The following RYR3 variants were observed in gnomAD, a reference collection of about 807,000 sequenced individuals.
RYR3 encodes the protein ryanodine receptor 3, also known as brain ryanodine receptor-calcium release channel.
RYR3 carries 207 observed loss-of-function variants against 584.3 expected under a neutral mutation model. That is an observed-to-expected ratio of 0.35 (90% CI 0.32 to 0.40). The LOEUF is 0.40. RYR3 is among the 10% of genes least tolerant of loss of function. RYR3 has a pLI of 1.00. For synonymous variants in RYR3, 2,416 were observed against 2,248.5 expected (o/e 1.07, Z -2.11); for missense variants, 5,616 against 6,089.2 (o/e 0.92, Z 2.59).
intron 43 of RYR3, among the ~76,000 whole-genome samples, chr15:33,716,254 AT>A (rs1289941093): frequency 6.6e-6 from 1 of 152,128 alleles, no homozygotes; most frequent in Admixed American, 6.5e-5. Context: ...AGCCTCAGGT[AT>A]TTTTTTATGG....
At chr15:33,444,448 A>G (rs1460524994) in intron 1 of RYR3, among the ~76,000 whole-genome samples, 1 of 152,218 alleles carries the variant, frequency 6.6e-6, no homozygotes, top group Non-Finnish European at 1.5e-5. Context: ...ATGTTTGTTC[A>G]GTGGCTATCG....
At chr15:33,483,685 G>C (rs928583357) in intron 2 of RYR3, among the ~76,000 whole-genome samples, 5 of 152,178 alleles carry the variant, frequency 3.3e-5, no homozygotes, top group African/African-American at 1.2e-4. Context: ...CTTATTCTAA[G>C]CATTTTAGCT....
chr15:33,326,135 CTTTGTTT>C (rs1969672094), intron 1 of RYR3, among the ~76,000 whole-genome samples: 1 of 152,092 alleles, frequency 6.6e-6, no homozygotes, highest in African/African-American at 2.4e-5. Flanking sequence ...TGTTGAGGTT[CTTTGTTT>C]TTTGTTTTCC....
chr15:33,617,276 G>T (rs925666778), intron 19 of RYR3, among the ~76,000 whole-genome samples: 1 of 152,042 alleles, frequency 6.6e-6, no homozygotes, highest in Non-Finnish European at 1.5e-5. Context: ...GCTGGGCGTG[G>T]TGGCAGGCGC....
intron 19 of RYR3, among the ~76,000 whole-genome samples, chr15:33,618,659 TC>T (rs1391053819): frequency 6.6e-6 from 1 of 152,254 alleles, no homozygotes; most frequent in African/African-American, 2.4e-5. Context: ...ATCCTTTTCT[TC>T]TGTGAAACAT....
At chr15:33,680,335 T>C (rs368564745) in intron 38 of RYR3, among the ~76,000 whole-genome samples, 1 of 152,220 alleles carries the variant, frequency 6.6e-6, no homozygotes, top group East Asian at 1.9e-4. Context: ...TCAGGTAGAA[T>C]AGCCATTAAC....
At chr15:33,338,282 C>T (rs777797240) in intron 1 of RYR3, among the ~76,000 whole-genome samples, 2 of 151,688 alleles carry the variant, frequency 1.3e-5, no homozygotes, top group African/African-American at 2.4e-5. Context: ...ACCTGGGAGA[C>T]AGGTCTATGG....
At chr15:33,596,832 G>A (rs34602930) in intron 16 of RYR3, among the ~76,000 whole-genome samples, 21,727 of 152,008 alleles carry the variant, frequency 0.14, 1,588 homozygotes, top group Middle Eastern at 0.19. Flanking sequence ...CTGTAATTTT[G>A]TATCATTAAA....
At position 33,438,673 on chromosome 15, in the gene RYR3, C is replaced by T. The variant is rs559290803; in HGVS notation, c.52-34746C>T. Among the ~76,000 whole-genome samples the T allele has an allele frequency of 4.1e-3, 624 of 152,256 alleles. 5 individuals carry two copies. The highest frequency in any genetic ancestry group is 0.014 in the African/African-American group (566 of 41,536). On this transcript the variant is annotated intron_variant, in intron 1 of 103. Transcript: ENST00000634891. ...AATTTATAGATTAATTTGAGGATAA[C>T]GGACATATTCACAATATCTTTTCCA...
intron 1 of RYR3, among the ~76,000 whole-genome samples, chr15:33,443,313 C>G (rs1459422289): frequency 6.6e-6 from 1 of 151,090 alleles, no homozygotes; most frequent in African/African-American, 2.4e-5. Context: ...TAGTTGACAG[C>G]TAAAAAATAA....
rs755618142 is a variant in RYR3, at chr15:33,840,932, C to T, written c.13037+49C>T. On this transcript the variant is annotated intron_variant, in intron 90 of 103. Transcript: ENST00000634891. Reference sequence around the variant, plus strand: ...ACTCTCATTGCTATGGTAGATAATTCTTAGGCCAGGCAGAGTGGCTCGCAC... The same window carrying T: ...ACTCTCATTGCTATGGTAGATAATTTTTAGGCCAGGCAGAGTGGCTCGCAC... 1.9e-6 allele frequency: 3 copies of T among 1,556,814 alleles called. No homozygotes were observed. In the African/African-American group the frequency reaches 4.1e-5, roughly 21 times the overall value.
In RYR3 at chr15:33,823,015, A is replaced by T; in HGVS notation, c.11015A>T (p.Lys3672Met). ...TTGCAGAAAATGCTAGATTACCTAAAGGAGAAAAAGGATGCTGGATTCTTT... is the reference window on the plus strand; with the variant it reads ...TTGCAGAAAATGCTAGATTACCTAATGGAGAAAAAGGATGCTGGATTCTTT... Reference protein sequence around the residue: ...GVQQKMLDYLKEKKDAGFFQS... With the variant: ...GVQQKMLDYLMEKKDAGFFQS... Residue 3672 changes from lysine (K) to methionine (M), a missense_variant, in exon 81 of 104, where the codon AAG (lysine) becomes ATG (methionine). Lys to Met is a moderately conservative substitution (Grantham distance 95). Coordinates refer to ENST00000634891, the MANE Select transcript of RYR3 (RefSeq NM_001036.6). 4 of 1,613,550 alleles carry T rather than the reference A, an allele frequency of 2.5e-6. No homozygotes were observed. Among genetic ancestry groups the T allele is most frequent in the Non-Finnish European group, 3.4e-6 (4 of 1,179,668 alleles).
In RYR3 at chr15:33,550,233, T is replaced by A. The variant is rs1168258911; in HGVS notation, c.889T>A (p.Leu297Met). The A allele has an allele frequency of 6.2e-7, 1 of 1,613,650 alleles. No individual in the cohort carries two copies. The highest frequency in any genetic ancestry group is 1.7e-5 in the Admixed American group (1 of 59,974). ...TCTCACCACAGGCCACTACCTGGCC[T>A]TGACAGAAGACCAAGGCCTTATACT... ...RHLTTGHYLALTEDQGLILQD... is the reference protein window; with the variant it reads ...RHLTTGHYLAMTEDQGLILQD... Residue 297 changes from leucine (L) to methionine (M), a missense_variant, in exon 10 of 104, where the codon TTG becomes ATG. Around this residue, in one of 9 missense-constraint regions of RYR3, gnomAD observed 1,284 missense variants for 1,344.6 expected, o/e 0.95. Transcript: ENST00000634891.
chr15:33,824,709 G>C (rs938355645), intron 81 of RYR3, among the ~76,000 whole-genome samples: 14 of 152,218 alleles, frequency 9.2e-5, no homozygotes, highest in Non-Finnish European at 1.6e-4. Context: ...AGGAAGGCCA[G>C]ATTTTTCTCC....
In RYR3 at chr15:33,662,726, G is replaced by A; in HGVS notation, c.5196G>A (p.Leu1732=). 1 of 1,614,196 alleles carries A rather than the reference G, an allele frequency of 6.2e-7. No homozygotes were observed. Among genetic ancestry groups the A allele is most frequent in the East Asian group, 2.2e-5 (1 of 44,880 alleles). The part of the protein sequence containing the change: ...FVPVLKLIGT[L]LVMGVFDDDD... ...CTGTGCTGAAACTCATTGGAACCCT[G>A]CTGGTCATGGGCGTGTTTGATGATG... The change falls in exon 35 of 104, where the codon CTG becomes CTA. Residue 1732 remains leucine (L), a synonymous_variant. Transcript: ENST00000634891.
At chr15:33,567,855 C>A (rs1328224544) in intron 12 of RYR3, among the ~76,000 whole-genome samples, 1 of 152,152 alleles carries the variant, frequency 6.6e-6, no homozygotes, top group Non-Finnish European at 1.5e-5. Flanking sequence ...CTGATGCATG[C>A]TAAAATTTAA....
Position 33,623,884 on chromosome 15 carries a change from C to T in RYR3, c.2435C>T (p.Ala812Val), listed in dbSNP as rs1182624045. The change falls in exon 20 of 104, where the codon GCC becomes GTC. Residue 812 changes from alanine (A) to valine (V), a missense_variant. Physicochemically the swap from Ala to Val is moderately conservative, Grantham distance 64. This residue lies in a region of RYR3 where 1,284 missense variants were observed against 1,344.6 expected (regional missense o/e 0.95). Transcript: ENST00000634891. ...PPSGYAPCYE[A>V]LLPKEKMRLE... is the part of the protein sequence containing the mutation. ...TCTGGCTATGCCCCTTGCTATGAAG[C>T]CTTACTTCCAAAAGAGAAGATGAGA... The T allele has an allele frequency of 1.2e-6, 2 of 1,613,606 alleles. No homozygotes were observed. Among genetic ancestry groups the T allele is most frequent in the South Asian group, 1.1e-5 (1 of 91,086 alleles).
chr15:33,529,950 G>A (rs1856693213), intron 3 of RYR3, among the ~76,000 whole-genome samples: 1 of 152,146 alleles, frequency 6.6e-6, no homozygotes, highest in African/African-American at 2.4e-5. Flanking sequence ...CCCACTGTTT[G>A]GGCAGCCACT....
intron 1 of RYR3, among the ~76,000 whole-genome samples, chr15:33,313,357 T>C (rs1395368989): frequency 6.6e-6 from 1 of 152,204 alleles, no homozygotes; most frequent in Non-Finnish European, 1.5e-5. Context: ...CGCCAGATGT[T>C]ATATATAGTC....
Sources: allele counts gnomAD v4.1 joint callset (sites outside exome capture counted in the v4.1 genomes callset), GRCh38; gene constraint gnomAD v4.1.1; regional missense constraint gnomAD v4.1.1; transcripts MANE v1.5; gene names NCBI Gene and HGNC (gene_info 2026-07-23, HGNC 2026-07-21).